The following CNTNAP2 variants were observed in gnomAD, a reference collection of about 807,000 sequenced individuals.
CNTNAP2 encodes contactin-associated protein-like 2.
CNTNAP2 carries 98 observed loss-of-function variants against 155.2 expected under a neutral mutation model. The observed-to-expected ratio is 0.63, with a 90% CI of 0.54 to 0.75. CNTNAP2 has a LOEUF of 0.75. CNTNAP2 is among the 30% of genes least tolerant of loss of function. The pLI is 0.00. For synonymous variants in CNTNAP2, 651 were observed against 631.2 expected (o/e 1.03, Z -0.47); for missense variants, 1,727 against 1,688.1 (o/e 1.02, Z -0.40).
At chr7:147,268,648 T>C (rs766771613) in intron 8 of CNTNAP2, among the ~76,000 whole-genome samples, 1 of 152,088 alleles carries the variant, frequency 6.6e-6, no homozygotes, top group Non-Finnish European at 1.5e-5. Context: ...ATCCTAGAAC[T>C]GACAGCATTA....
chr7:148,179,555 G>A lies in CNTNAP2; in HGVS notation c.3010+7077G>A, dbSNP rs530901586. On this transcript the variant is annotated intron_variant, in intron 18 of 23. Transcript: ENST00000361727. ...AGAGAGGGAGTGAGAGAGGGAGAGA[G>A]GGAGAGAGAGGGAGAGAGGCGGGGT... is the stretch of plus-strand genomic sequence containing the variant. Among the ~76,000 whole-genome samples the A allele has an allele frequency of 2.7e-5, 4 of 148,184 alleles. No individual in the cohort carries two copies. In the East Asian group the frequency reaches 6.0e-4, roughly 22 times the overall value.
intron 11 of CNTNAP2, among the ~76,000 whole-genome samples, chr7:147,539,046 A>T (rs1209344410): frequency 2.6e-5 from 4 of 152,104 alleles, no homozygotes; most frequent in Admixed American, 2.6e-4. Flanking sequence ...GGTTATCTAG[A>T]CAGTTCTGAT....
chr7:146,934,836 AC>A (rs1466886733), intron 3 of CNTNAP2, among the ~76,000 whole-genome samples: 3 of 152,170 alleles, frequency 2.0e-5, no homozygotes, highest in Non-Finnish European at 4.4e-5. Context: ...AAGGATAGAC[AC>A]TGTGACATCA....
intron 13 of CNTNAP2, among the ~76,000 whole-genome samples, chr7:147,783,535 C>T (rs2116559310): frequency 6.6e-6 from 1 of 152,288 alleles, no homozygotes; most frequent in African/African-American, 2.4e-5. Flanking sequence ...CCTTAAACAA[C>T]AGAAGTTTGT....
At chr7:147,185,367 T>C (rs1232912897) in intron 8 of CNTNAP2, among the ~76,000 whole-genome samples, 1 of 152,186 alleles carries the variant, frequency 6.6e-6, no homozygotes, top group African/African-American at 2.4e-5. Flanking sequence ...GCAACTCTAC[T>C]TCTTTTAGGT....
chr7:148,174,162 A>T (rs17483927), intron 18 of CNTNAP2, among the ~76,000 whole-genome samples: 1,746 of 152,366 alleles, frequency 0.011, 17 homozygotes, highest in Middle Eastern at 0.027. Context: ...TAGTGACTTT[A>T]ACCAAAAAAT....
intron 5 of CNTNAP2, among the ~76,000 whole-genome samples, chr7:147,112,265 A>G (rs187586786): frequency 4.6e-5 from 7 of 152,314 alleles, no homozygotes; most frequent in Admixed American, 4.6e-4. Flanking sequence ...CGGCTTAAGA[A>G]TCTTTTGGGC....
intron 3 of CNTNAP2, among the ~76,000 whole-genome samples, chr7:146,952,534 G>A (rs529727934): frequency 0.016 from 2,437 of 152,162 alleles, 65 homozygotes; most frequent in African/African-American, 0.054. Context: ...AAACCCCATC[G>A]CCTCAGCCAC....
intron 15 of CNTNAP2, among the ~76,000 whole-genome samples, chr7:148,071,027 T>C (rs1803370609): frequency 6.6e-6 from 1 of 152,212 alleles, no homozygotes; most frequent in Admixed American, 6.5e-5. Context: ...ATTTAGCCTC[T>C]TCTACTTCAA....
intron 1 of CNTNAP2, among the ~76,000 whole-genome samples, chr7:146,395,683 A>G (rs557417159): frequency 6.6e-6 from 1 of 152,160 alleles, no homozygotes; most frequent in Non-Finnish European, 1.5e-5. Context: ...CGATGTAAAT[A>G]ACTACAATGA....
At chr7:147,811,598 G>A (rs776656413) in intron 13 of CNTNAP2, among the ~76,000 whole-genome samples, 2 of 152,110 alleles carry the variant, frequency 1.3e-5, no homozygotes, top group Non-Finnish European at 2.9e-5. Context: ...AATCGTTACT[G>A]TATTTTATAG....
chr7:148,330,883 G>A (rs1436116113), intron 21 of CNTNAP2, among the ~76,000 whole-genome samples: 1 of 99,198 alleles, frequency 1.0e-5, no homozygotes, highest in East Asian at 2.5e-4. Flanking sequence ...GTGGCTGGAT[G>A]GAATGGATGG....
intron 1 of CNTNAP2, among the ~76,000 whole-genome samples, chr7:146,383,113 T>C (rs1469035515): frequency 6.6e-6 from 1 of 152,158 alleles, no homozygotes; most frequent in Admixed American, 6.6e-5. Flanking sequence ...TGTGAATCTG[T>C]GTGAAATAGC....
intron 15 of CNTNAP2, among the ~76,000 whole-genome samples, chr7:148,057,716 G>C (rs538500247): frequency 1.3e-5 from 2 of 152,240 alleles, no homozygotes; most frequent in Admixed American, 6.5e-5. Flanking sequence ...AAACATTCTT[G>C]ATAACCATTG....
In CNTNAP2 at chr7:146,155,665, A is replaced by G. The variant is rs191679942; in HGVS notation, c.97+38692A>G. 5.2e-3 allele frequency among the ~76,000 whole-genome samples: 778 copies of G among 149,302 alleles called. 4 individuals are homozygous for G. Among genetic ancestry groups the G allele is most frequent in the Non-Finnish European group, 7.9e-3 (535 of 67,600 alleles). ...ATTACATAAGTAAATACAATTATAA[A>G]TAATTGCATAAAACAATATCATTAT... On this transcript the variant is annotated intron_variant, in intron 1 of 23. Transcript: ENST00000361727.
At chr7:146,817,905 A>C (rs905938981) in intron 2 of CNTNAP2, among the ~76,000 whole-genome samples, 7 of 152,214 alleles carry the variant, frequency 4.6e-5, no homozygotes, top group African/African-American at 1.4e-4. Context: ...TTAAAAACTG[A>C]AATCAGAAAA....
intron 1 of CNTNAP2, among the ~76,000 whole-genome samples, chr7:146,610,717 A>G (rs929152796): frequency 2.6e-5 from 4 of 152,194 alleles, no homozygotes; most frequent in African/African-American, 7.2e-5. Flanking sequence ...TGTTTTAAAC[A>G]TGTAATCTGG....
At chr7:148,201,511 T>TA (rs371181445) in intron 18 of CNTNAP2, among the ~76,000 whole-genome samples, 3 of 152,154 alleles carry the variant, frequency 2.0e-5, no homozygotes, top group Non-Finnish European at 2.9e-5. Flanking sequence ...ATTTACTTTG[T>TA]AAAAAAACGT....
Position 146,663,282 on chromosome 7 carries a change from AAAAAAAAAAAAAAAAAG to A in CNTNAP2, c.98-110985_98-110969del, listed in dbSNP as rs756414955. ...ACAAGAGTGAAACTCCATCTCAAAAAAAAAAAAAAAAAAAAAGAAAGAAAGAAAAAGAAAGGAAAAAA... is the reference window on the plus strand; with the variant it reads ...ACAAGAGTGAAACTCCATCTCAAAAAAAAGAAAGAAAAAGAAAGGAAAAAA... On this transcript the variant is annotated intron_variant, in intron 1 of 23. Coordinates refer to ENST00000361727, the MANE Select transcript of CNTNAP2 (RefSeq NM_014141.6). 2.3e-3 allele frequency among the ~76,000 whole-genome samples: 244 copies of A among 107,036 alleles called. 5 individuals carry two copies. The East Asian group carries it at 0.061, about 27-fold the overall frequency. 70.2% of individuals were successfully genotyped at this position (107,036 alleles called of 152,430 possible). A position where few individuals can be genotyped will look rare whatever the true frequency, so the allele number is the denominator to read the frequency against.
Sources: allele counts gnomAD v4.1 joint callset (sites outside exome capture counted in the v4.1 genomes callset), GRCh38; gene constraint gnomAD v4.1.1; transcripts MANE v1.5; gene names NCBI Gene and HGNC (gene_info 2026-07-23, HGNC 2026-07-21).